The following ZNG1E variants were observed in gnomAD, a reference collection of about 807,000 sequenced individuals.
The protein encoded by ZNG1E is Zn regulated GTPase metalloprotein activator 1E, also known as zinc-regulated GTPase metalloprotein activator 1E.
the ZNG1E span, among the ~76,000 whole-genome samples, chr9:65,710,495 G>T: frequency 6.6e-6 from 1 of 151,700 alleles, no homozygotes; most frequent in African/African-American, 2.4e-5. Context: ...TAGGTCAAAC[G>T]TTTAAGTCTT....
chr9:65,659,725 C>A, the ZNG1E span, among the ~76,000 whole-genome samples: 2 of 152,200 alleles, frequency 1.3e-5, no homozygotes, highest in South Asian at 4.1e-4. Context: ...ACTCTCACCC[C>A]CTCATTCTGA....
chr9:65,693,171 T>A, the ZNG1E span, among the ~76,000 whole-genome samples: 1 of 152,070 alleles, frequency 6.6e-6, no homozygotes, highest in African/African-American at 2.4e-5. Flanking sequence ...CACATAGGAT[T>A]AGTAAGAAGA....
the ZNG1E span, among the ~76,000 whole-genome samples, chr9:65,673,106 AT>A: frequency 9.6e-4 from 9 of 9,398 alleles, no homozygotes; most frequent in East Asian, 3.9e-3. Flanking sequence ...GGTTTTCAGT[AT>A]AATCAGAGTT....
At chr9:65,724,572 G>T in the ZNG1E span, among the ~76,000 whole-genome samples, 1 of 122,928 alleles carries the variant, frequency 8.1e-6, no homozygotes, top group Admixed American at 8.2e-5. Flanking sequence ...TTTAGCTTGG[G>T]AGTTCAAAAC....
the ZNG1E span, among the ~76,000 whole-genome samples, chr9:65,663,467 C>T: frequency 1.3e-5 from 2 of 149,870 alleles, no homozygotes; most frequent in Admixed American, 1.3e-4. Context: ...CCAACTTTTT[C>T]TTAGAGGCTA....
the ZNG1E span, among the ~76,000 whole-genome samples, chr9:65,662,329 T>A: frequency 1.3e-5 from 2 of 152,224 alleles, no homozygotes; most frequent in East Asian, 3.8e-4. Context: ...GACAACTGAA[T>A]GCAATGTGGG....
the ZNG1E span, among the ~76,000 whole-genome samples, chr9:65,681,006 T>C: frequency 1.3e-5 from 2 of 152,170 alleles, no homozygotes; most frequent in African/African-American, 4.8e-5. Context: ...GCGAGGGTGG[T>C]CTCGATCTCC....
At chr9:65,686,734 T>C in the ZNG1E span, among the ~76,000 whole-genome samples, 1 of 152,382 alleles carries the variant, frequency 6.6e-6, no homozygotes. Flanking sequence ...TACTACAGCT[T>C]CTATATCAGC....
the ZNG1E span, among the ~76,000 whole-genome samples, chr9:65,728,236 A>C: frequency 6.6e-6 from 1 of 152,262 alleles, no homozygotes; most frequent in Non-Finnish European, 1.5e-5. Context: ...TCTGGGATAC[A>C]GCAAAGGTGG....
At chr9:65,695,871 A>C in the ZNG1E span, among the ~76,000 whole-genome samples, 2 of 150,710 alleles carry the variant, frequency 1.3e-5, no homozygotes, top group Non-Finnish European at 1.5e-5. Context: ...ATATAAGCAA[A>C]AGCCATAGTT....
the ZNG1E span, among the ~76,000 whole-genome samples, chr9:65,688,157 A>C: frequency 6.6e-6 from 1 of 150,664 alleles, no homozygotes; most frequent in African/African-American, 2.4e-5. Context: ...TTGATATTTT[A>C]AATGAATTAA....
At chr9:65,668,523 A>ATG in the ZNG1E span, among the ~76,000 whole-genome samples, 27 of 150,722 alleles carry the variant, frequency 1.8e-4, 1 homozygote, top group South Asian at 1.7e-3. Context: ...ATATATATAT[A>ATG]TGTGTGTGTA....
chr9:65,712,652 T>A, the ZNG1E span, among the ~76,000 whole-genome samples: 2 of 118,936 alleles, frequency 1.7e-5, no homozygotes, highest in African/African-American at 3.3e-5. Context: ...AGTTTCCATG[T>A]AGTTGAGCGG....
At chr9:65,661,864 C>A in the ZNG1E span, among the ~76,000 whole-genome samples, 2 of 152,354 alleles carry the variant, frequency 1.3e-5, no homozygotes, top group East Asian at 3.9e-4. Context: ...GTTATTAAAA[C>A]TCATTGAGTT....
chr9:65,662,291 T>A, the ZNG1E span, among the ~76,000 whole-genome samples: 3,066 of 150,852 alleles, frequency 0.02, no homozygotes, highest in African/African-American at 0.036. Flanking sequence ...GACTGAGCAA[T>A]GCTTCTGATT....
At chr9:65,697,115 A>G in the ZNG1E span, among the ~76,000 whole-genome samples, 2 of 37,076 alleles carry the variant, frequency 5.4e-5, no homozygotes, top group African/African-American at 1.9e-4. Context: ...TCAAAATAGA[A>G]TTTGCTGAAC....
chr9:65,657,430 G>T, the ZNG1E span, among the ~76,000 whole-genome samples: 2 of 152,360 alleles, frequency 1.3e-5, no homozygotes, highest in African/African-American at 2.4e-5. Flanking sequence ...AACATGGTTG[G>T]AACTGGAGGA....
chr9:65,697,517 GTATATAATT>G, the ZNG1E span, among the ~76,000 whole-genome samples: 1 of 76,388 alleles, frequency 1.3e-5, no homozygotes, highest in African/African-American at 4.6e-5. Context: ...TGAGAAAAAT[GTATATAATT>G]TATAAAGTTA....
the ZNG1E span, among the ~76,000 whole-genome samples, chr9:65,657,771 A>C: frequency 6.6e-6 from 1 of 152,286 alleles, no homozygotes; most frequent in Non-Finnish European, 1.5e-5. Flanking sequence ...CGGATATACC[A>C]TTTACCTGAA....
Sources: allele counts gnomAD v4.1 joint callset (sites outside exome capture counted in the v4.1 genomes callset), GRCh38; gene constraint gnomAD v4.1.1; transcripts MANE v1.5; gene names NCBI Gene and HGNC (gene_info 2026-07-23, HGNC 2026-07-21).